The following C16orf74 variants were observed in gnomAD, a reference collection of about 807,000 sequenced individuals.
C16orf74 encodes the protein uncharacterized protein C16orf74.
A neutral mutation model predicts 6.5 loss-of-function variants in C16orf74; 10 were observed. The observed-to-expected ratio is 1.54, with a 90% confidence interval of 0.95 to 2.61. The LOEUF (loss-of-function observed/expected upper bound fraction) is 2.61. C16orf74 is among the 30% of genes most tolerant of loss of function. The pLI, the probability that C16orf74 is intolerant of heterozygous loss-of-function variation, is 0.00. For synonymous variants in C16orf74, 60 were observed against 42.5 expected (o/e 1.41, Z -1.60); for missense variants, 141 against 105.9 (o/e 1.33, Z -1.45).
At chr16:85,718,679 T>A (rs2054049204) in intron 2 of C16orf74, among the ~76,000 whole-genome samples, 1 of 152,212 alleles carries the variant, frequency 6.6e-6, no homozygotes. Flanking sequence ...GGTGCGATGA[T>A]TCTATATGCG....
intron 2 of C16orf74, among the ~76,000 whole-genome samples, chr16:85,729,704 G>A (rs1008547949): frequency 6.6e-6 from 1 of 152,200 alleles, no homozygotes; most frequent in Non-Finnish European, 1.5e-5. Flanking sequence ...AATGCCTGGT[G>A]TCCTTACAAG....
chr16:85,726,700 G>T (rs16975877), intron 2 of C16orf74, among the ~76,000 whole-genome samples: 3,379 of 152,254 alleles, frequency 0.022, 126 homozygotes, highest in African/African-American at 0.078. Context: ...CTGCTGAAAT[G>T]TATTAGTGGA....
At chr16:85,744,922 A>T (rs964844860) in intron 1 of C16orf74, among the ~76,000 whole-genome samples, 4 of 151,322 alleles carry the variant, frequency 2.6e-5, no homozygotes, top group Non-Finnish European at 5.9e-5. Flanking sequence ...TGGGCGGATC[A>T]CCTGAGGTTG....
Position 85,732,502 on chromosome 16 carries a change from C to T in C16orf74, c.28+2688G>A, listed in dbSNP as rs545108072. 1.5e-4 allele frequency among the ~76,000 whole-genome samples: 22 copies of T among 151,712 alleles called. No individual in the cohort carries two copies. In the South Asian group the frequency reaches 3.7e-3, roughly 26 times the overall value. ...ACAACATGGTGAAACCCCGTCTCTA[C>T]TAAAAATACAAAAATTAGCTGGGCG... is the stretch of plus-strand genomic sequence containing the variant. On this transcript the variant is annotated intron_variant, in intron 2 of 3. Transcript: ENST00000284245.
intron 2 of C16orf74, among the ~76,000 whole-genome samples, chr16:85,732,964 G>A (rs1011637514): frequency 2.0e-5 from 3 of 152,180 alleles, no homozygotes; most frequent in African/African-American, 7.2e-5. Context: ...CACTCGTGAG[G>A]GGCCGAGGGT....
intron 2 of C16orf74, among the ~76,000 whole-genome samples, chr16:85,721,119 G>A (rs1457685135): frequency 6.6e-6 from 1 of 151,882 alleles, no homozygotes; most frequent in Non-Finnish European, 1.5e-5. Context: ...TGAAGCCCAG[G>A]TCCAGCCCTT....
chr16:85,710,616 C>A, intron 2 of C16orf74: 1 of 319,662 alleles, frequency 3.1e-6, no homozygotes, highest in Non-Finnish European at 5.7e-6. Flanking sequence ...GCTGCAGCCT[C>A]ATTCCCGGCC....
At chr16:85,738,728 C>G (rs967224934) in intron 1 of C16orf74, among the ~76,000 whole-genome samples, 2 of 151,798 alleles carry the variant, frequency 1.3e-5, no homozygotes, top group African/African-American at 4.8e-5. Context: ...AGGAGTGGGG[C>G]TGGGGCTGAG....
chr16:85,734,227 C>T (rs1214079343), intron 2 of C16orf74, among the ~76,000 whole-genome samples: 1 of 152,192 alleles, frequency 6.6e-6, no homozygotes, highest in East Asian at 1.9e-4. Flanking sequence ...GAGCAGCCAC[C>T]GCCAGAGTGT....
chr16:85,744,132 G>T (rs1323591010), intron 1 of C16orf74: 9 of 148,598 alleles, frequency 6.1e-5, no homozygotes, highest in African/African-American at 2.2e-4. Flanking sequence ...GGCTGAGGAA[G>T]GAGAATTGCT....
In C16orf74 at chr16:85,735,200, G is replaced by A; in HGVS notation, c.18C>T (p.Ser6=). The change falls in exon 2 of 4, where the codon TCC becomes TCT. Residue 6 remains serine, a synonymous_variant. Coordinates refer to ENST00000284245, the MANE Select transcript of C16orf74 (RefSeq NM_206967.3). MGLKM[S]CLKGFQMCVS... ...AGCTTCAGGCCTTACCTTTCAGGCAGGACATCTTAAGCCCCATGTCGGCAC... is the reference window on the plus strand; with the variant it reads ...AGCTTCAGGCCTTACCTTTCAGGCAAGACATCTTAAGCCCCATGTCGGCAC... 6.2e-7 allele frequency: 1 copy of A among 1,604,012 alleles called. No homozygotes were observed. The highest frequency in any genetic ancestry group is 1.3e-5 in the African/African-American group (1 of 74,376).
At chr16:85,750,355 C>G (rs1287552085) in intron 1 of C16orf74, among the ~76,000 whole-genome samples, 3 of 152,150 alleles carry the variant, frequency 2.0e-5, no homozygotes. Context: ...TTACTGAGAC[C>G]TCCCCTAGTT....
chr16:85,747,256 G>A (rs1282676888), intron 1 of C16orf74, among the ~76,000 whole-genome samples: 2 of 152,166 alleles, frequency 1.3e-5, no homozygotes, highest in African/African-American at 4.8e-5. Flanking sequence ...TTTGAGACCA[G>A]CCAGAGCAAT....
At chr16:85,734,372 G>A (rs190541505) in intron 2 of C16orf74, among the ~76,000 whole-genome samples, 1 of 152,286 alleles carries the variant, frequency 6.6e-6, no homozygotes, top group Non-Finnish European at 1.5e-5. Context: ...CACCATGCAG[G>A]CTGATCCCAG....
At position 85,731,371 on chromosome 16, in the gene C16orf74, G is replaced by A. The variant is rs368869397; in HGVS notation, c.28+3819C>T. 2.0e-5 allele frequency among the ~76,000 whole-genome samples: 3 copies of A among 152,360 alleles called. No homozygotes were observed. In the South Asian group the frequency reaches 6.2e-4, roughly 32 times the overall value. The stretch of plus-strand genomic sequence containing the variant: ...GCCTGTGAAGCTGGCCCTGCTCCAA[G>A]GCCAAATCGTTAAGGGGCAGAGCTG... On this transcript the variant is annotated intron_variant, in intron 2 of 3. Coordinates refer to ENST00000284245, the MANE Select transcript of C16orf74 (RefSeq NM_206967.3).
chr16:85,738,326 A>ATT (rs368313117), intron 1 of C16orf74, among the ~76,000 whole-genome samples: 44,497 of 135,504 alleles, frequency 0.33, 7,647 homozygotes, highest in Middle Eastern at 0.42. Flanking sequence ...TGGCATTGGG[A>ATT]TTTTTTTTTT....
At chr16:85,738,000 G>A (rs1234966374) in intron 1 of C16orf74, among the ~76,000 whole-genome samples, 2 of 138,148 alleles carry the variant, frequency 1.4e-5, no homozygotes, top group African/African-American at 5.4e-5. Context: ...GCTGTCATTA[G>A]TGTATTTTAT....
chr16:85,727,457 G>T (rs573495021), intron 2 of C16orf74, among the ~76,000 whole-genome samples: 1 of 152,290 alleles, frequency 6.6e-6, no homozygotes, highest in Admixed American at 6.5e-5. Flanking sequence ...ATATCATGTG[G>T]GATCCTGCGA....
rs1266865687 is a variant in C16orf74 at position 85,710,320 on chromosome 16, G to C, written c.29-13C>G. 6.7e-7 allele frequency: 1 copy of C among 1,492,980 alleles called. No individual in the cohort carries two copies. The highest frequency in any genetic ancestry group is 1.3e-5 in the South Asian group (1 of 74,614). The allele number at this position is 1,492,980 out of a possible 1,614,324, so 92.5% of individuals were successfully genotyped here. On this transcript the variant is annotated splice_polypyrimidine_tract_variant and intron_variant, in intron 2 of 3. Coordinates refer to ENST00000284245, the MANE Select transcript of C16orf74 (RefSeq NM_206967.3). ...CACATTTGAAAGCCTGAGAAGCCAG[G>C]CGTGGAGCACACACGCACGTACACA... is the stretch of plus-strand genomic sequence containing the variant.
Sources: gnomAD v4.1 joint callset for allele counts (sites outside exome capture counted in the v4.1 genomes callset) on GRCh38, gnomAD v4.1.1 for gene constraint, MANE v1.5 for transcripts, NCBI Gene and HGNC (gene_info 2026-07-23, HGNC 2026-07-21) for gene names.